Variants in CDYL2 observed in about 807,000 individuals in gnomAD.
CDYL2 encodes the protein chromodomain Y like 2.
In CDYL2, 23 loss-of-function variants were observed where a neutral mutation model predicts 49.4. That is an observed-to-expected ratio of 0.47 (90% CI 0.34 to 0.66). CDYL2 has a LOEUF of 0.66. Among genes scored for constraint, CDYL2 ranks in the 30% least tolerant of loss-of-function variants. The probability of loss-of-function intolerance (pLI) is 0.01; values close to 1 mark genes in which losing one functional copy is unlikely to be tolerated. For missense variants in CDYL2, 678 were observed against 656.4 expected (o/e 1.03, Z -0.36); for synonymous variants, 360 against 268.8 (o/e 1.34, Z -3.32).
intron 1 of CDYL2, among the ~76,000 whole-genome samples, chr16:80,691,548 T>C (rs6564783): frequency 0.65 from 99,323 of 152,028 alleles, 32,930 homozygotes; most frequent in Middle Eastern, 0.76. Flanking sequence ...GGAATTTCCA[T>C]ATCCATTCTG....
chr16:80,631,989 C>G (rs536224151), intron 3 of CDYL2, among the ~76,000 whole-genome samples: 3 of 151,996 alleles, frequency 2.0e-5, no homozygotes, highest in Non-Finnish European at 4.4e-5. Context: ...TGCAGTTCCT[C>G]GAAAAATACG....
At chr16:80,687,570 CTGGA>C (rs907677865) in intron 1 of CDYL2, among the ~76,000 whole-genome samples, 7 of 151,614 alleles carry the variant, frequency 4.6e-5, no homozygotes, top group South Asian at 2.1e-4. Flanking sequence ...GGCTGGCTGG[CTGGA>C]TGGATGGATG....
intron 1 of CDYL2, among the ~76,000 whole-genome samples, chr16:80,755,248 G>A (rs1387748396): frequency 6.6e-6 from 1 of 152,202 alleles, no homozygotes; most frequent in African/African-American, 2.4e-5. Context: ...TGTGTTTGGA[G>A]AATGGAGGAA....
At chr16:80,715,055 T>G (rs950936071) in intron 1 of CDYL2, among the ~76,000 whole-genome samples, 1 of 152,112 alleles carries the variant, frequency 6.6e-6, no homozygotes, top group Non-Finnish European at 1.5e-5. Flanking sequence ...CTCATGCAAG[T>G]GAGCGGACAT....
At position 80,718,763 on chromosome 16, in the gene CDYL2, G is replaced by A. The variant is rs114332020; in HGVS notation, c.25-33634C>T. Among the ~76,000 whole-genome samples, 736 of 152,290 alleles carry A rather than the reference G, an allele frequency of 4.8e-3. 8 individuals are homozygous for A. The highest frequency in any genetic ancestry group is 0.017 in the African/African-American group (703 of 41,558). On this transcript the variant is annotated intron_variant, in intron 1 of 6. Coordinates refer to ENST00000570137, the MANE Select transcript of CDYL2 (RefSeq NM_152342.4). ...GAGAACCCAGAACAATGGGCCAGAGGGCAGCATCCGGAAATCCTGCCCAGC... is the reference window on the plus strand; with the variant it reads ...GAGAACCCAGAACAATGGGCCAGAGAGCAGCATCCGGAAATCCTGCCCAGC...
chr16:80,796,166 G>A (rs959155099), intron 1 of CDYL2, among the ~76,000 whole-genome samples: 15 of 152,212 alleles, frequency 9.9e-5, no homozygotes, highest in African/African-American at 3.6e-4. Context: ...GGGAATACTT[G>A]GGCCCAGGCT....
intron 2 of CDYL2, among the ~76,000 whole-genome samples, chr16:80,678,979 G>A (rs1395274724): frequency 6.0e-5 from 9 of 149,526 alleles, no homozygotes; most frequent in Non-Finnish European, 8.9e-5. Context: ...GGATGAAACT[G>A]GAAATCATCA....
At position 80,772,282 on chromosome 16, in the gene CDYL2, G is replaced by C. The variant is rs573544916; in HGVS notation, c.24+31868C>G. Among the ~76,000 whole-genome samples, 87 of 152,202 alleles carry C rather than the reference G, an allele frequency of 5.7e-4. 1 individual carries two copies. Among genetic ancestry groups the C allele is most frequent in the African/African-American group, 2.0e-3 (85 of 41,528 alleles). On this transcript the variant is annotated intron_variant, in intron 1 of 6. Coordinates refer to ENST00000570137, the MANE Select transcript of CDYL2 (RefSeq NM_152342.4). ...GGCTGGACATGGAGAGGGAAGTAAA[G>C]ACACAAAAATGAAAAACTGGAGAAA...
At chr16:80,654,995 G>A (rs117177996) in intron 2 of CDYL2, among the ~76,000 whole-genome samples, 2,760 of 152,234 alleles carry the variant, frequency 0.018, 32 homozygotes, top group African/African-American at 0.031. Flanking sequence ...TTTCTGCAGC[G>A]GCCCAGGCAG....
At chr16:80,635,644 T>C (rs1180397522) in intron 2 of CDYL2, among the ~76,000 whole-genome samples, 1 of 152,232 alleles carries the variant, frequency 6.6e-6, no homozygotes, top group East Asian at 1.9e-4. Flanking sequence ...CTGCTCAAAG[T>C]AATTTAAAGA....
At chr16:80,622,594 C>T (rs908355426) in intron 3 of CDYL2, among the ~76,000 whole-genome samples, 14 of 152,260 alleles carry the variant, frequency 9.2e-5, no homozygotes, top group South Asian at 8.3e-4. Flanking sequence ...AGCACAGTGC[C>T]TGGGGTATGG....
chr16:80,787,007 G>A (rs758657691), intron 1 of CDYL2, among the ~76,000 whole-genome samples: 4 of 151,842 alleles, frequency 2.6e-5, no homozygotes, highest in East Asian at 3.9e-4. Context: ...ACCATGGCAC[G>A]TGCATACCTA....
chr16:80,716,579 T>A (rs114029558), intron 1 of CDYL2, among the ~76,000 whole-genome samples: 101 of 151,886 alleles, frequency 6.6e-4, no homozygotes, highest in African/African-American at 2.2e-3. Context: ...ACTGAATGAA[T>A]GGACAGACAG....
chr16:80,738,991 G>A (rs1458889734), intron 1 of CDYL2, among the ~76,000 whole-genome samples: 2 of 152,112 alleles, frequency 1.3e-5, no homozygotes, highest in East Asian at 1.9e-4. Context: ...AGGTGAAAAA[G>A]GTGGAAGCAA....
intron 3 of CDYL2, among the ~76,000 whole-genome samples, chr16:80,630,673 A>G (rs772214045): frequency 6.6e-5 from 10 of 152,066 alleles, no homozygotes; most frequent in African/African-American, 9.7e-5. Flanking sequence ...CCAAAACACC[A>G]TGCTCAGAGA....
At chr16:80,783,339 T>G (rs1036615877) in intron 1 of CDYL2, among the ~76,000 whole-genome samples, 9 of 152,174 alleles carry the variant, frequency 5.9e-5, no homozygotes, top group Non-Finnish European at 1.0e-4. Context: ...ACTACTAGGA[T>G]GGCTATAATC....
intron 1 of CDYL2, among the ~76,000 whole-genome samples, chr16:80,802,646 C>T (rs552988498): frequency 6.6e-6 from 1 of 152,262 alleles, no homozygotes; most frequent in Admixed American, 6.5e-5. Flanking sequence ...GGTCTCCCAC[C>T]CACCCCACCT....
chr16:80,785,198 G>C (rs988488562), intron 1 of CDYL2, among the ~76,000 whole-genome samples: 4 of 152,114 alleles, frequency 2.6e-5, no homozygotes, highest in Non-Finnish European at 4.4e-5. Context: ...TGACATGATT[G>C]TATGTTTAGA....
intron 2 of CDYL2, among the ~76,000 whole-genome samples, chr16:80,663,745 A>G (rs1303833501): frequency 1.3e-5 from 2 of 152,072 alleles, no homozygotes; most frequent in South Asian, 2.1e-4. Flanking sequence ...GGCACCCACC[A>G]CCACACCCAG....
Sources: allele counts gnomAD v4.1 joint callset (sites outside exome capture counted in the v4.1 genomes callset), GRCh38; gene constraint gnomAD v4.1.1; transcripts MANE v1.5; gene names NCBI Gene and HGNC (gene_info 2026-07-23, HGNC 2026-07-21).